TBC1D22A: variants seen among roughly 807,000 people sequenced by gnomAD.
TBC1D22A encodes TBC1 domain family member 22A.
In TBC1D22A, 38 loss-of-function variants were observed where a neutral mutation model predicts 60.2. The observed-to-expected ratio is 0.63, with a 90% confidence interval of 0.49 to 0.83. The LOEUF (loss-of-function observed/expected upper bound fraction) is 0.83. Among genes scored for constraint, TBC1D22A ranks in the 40% least tolerant of loss-of-function variants. The pLI is 0.00. For missense variants in TBC1D22A, 628 were observed against 701.0 expected (o/e 0.90, Z 1.18); for synonymous variants, 302 against 281.7 (o/e 1.07, Z -0.72).
At chr22:47,168,766 C>A (rs1459471473) in intron 12 of TBC1D22A, among the ~76,000 whole-genome samples, 1 of 149,464 alleles carries the variant, frequency 6.7e-6, no homozygotes, top group Non-Finnish European at 1.5e-5. Flanking sequence ...GAAGGCCTGG[C>A]ACGCGGGGGA....
At chr22:46,937,340 G>A (rs1262244654) in intron 8 of TBC1D22A, among the ~76,000 whole-genome samples, 2 of 152,136 alleles carry the variant, frequency 1.3e-5, no homozygotes, top group South Asian at 2.1e-4. Context: ...ACTGGATGGC[G>A]TATACCACAG....
chr22:47,037,802 G>A (rs73888818), intron 11 of TBC1D22A, among the ~76,000 whole-genome samples: 1 of 152,208 alleles, frequency 6.6e-6, no homozygotes, highest in Non-Finnish European at 1.5e-5. Context: ...TGAGCAGTGT[G>A]CTAGGAGGAT....
intron 1 of TBC1D22A, among the ~76,000 whole-genome samples, chr22:46,766,210 G>T (rs2083282712): frequency 6.6e-6 from 1 of 152,006 alleles, no homozygotes; most frequent in South Asian, 2.1e-4. Flanking sequence ...TGCTAGCCAG[G>T]ATAGTCTCGA....
At chr22:46,893,658 G>A (rs1198954861) in intron 6 of TBC1D22A, among the ~76,000 whole-genome samples, 1 of 152,236 alleles carries the variant, frequency 6.6e-6, no homozygotes, top group Admixed American at 6.5e-5. Context: ...AGGACACCCT[G>A]ATGAGAGACC....
Position 47,110,503 on chromosome 22 carries a change from C to T in TBC1D22A, c.1330-1005C>T, listed in dbSNP as rs556117723. Among the ~76,000 whole-genome samples the T allele has an allele frequency of 5.3e-5, 8 of 152,212 alleles. No homozygotes were observed. The South Asian group carries it at 6.2e-4, about 12-fold the overall frequency. Reference sequence around the variant, plus strand: ...CAATAAAGAAAATAATAATAATAAACGCCTTTTTTCTCTTTGGATGTTTGC... The same window carrying T: ...CAATAAAGAAAATAATAATAATAAATGCCTTTTTTCTCTTTGGATGTTTGC... On this transcript the variant is annotated intron_variant, in intron 11 of 12. Transcript: ENST00000337137.
At chr22:47,055,855 G>C (rs972075161) in intron 11 of TBC1D22A, among the ~76,000 whole-genome samples, 2 of 152,110 alleles carry the variant, frequency 1.3e-5, no homozygotes, top group Non-Finnish European at 2.9e-5. Context: ...TGGGCAGTGA[G>C]ATACGCCACG....
At chr22:47,103,262 CAG>C (rs1253579805) in intron 11 of TBC1D22A, among the ~76,000 whole-genome samples, 2 of 152,118 alleles carry the variant, frequency 1.3e-5, no homozygotes, top group African/African-American at 2.4e-5. Context: ...AAAGCTGACA[CAG>C]GGGACACACT....
intron 5 of TBC1D22A, among the ~76,000 whole-genome samples, 180 bp downstream of exon 5, chr22:46,878,903 G>C (rs1405525531): frequency 6.6e-6 from 1 of 152,184 alleles, no homozygotes; most frequent in African/African-American, 2.4e-5. Flanking sequence ...TTTAAGCTTG[G>C]TTTGACAGGA....
rs1329236703 is a variant in TBC1D22A, at chr22:47,026,806, G to C, written c.1202-10265G>C. Among the ~76,000 whole-genome samples, 3 of 152,268 alleles carry C rather than the reference G, an allele frequency of 2.0e-5. No homozygotes were observed. In the East Asian group the frequency reaches 5.8e-4, roughly 29 times the overall value. On this transcript the variant is annotated intron_variant, in intron 10 of 12. Coordinates refer to ENST00000337137, the MANE Select transcript of TBC1D22A (RefSeq NM_014346.5). The stretch of plus-strand genomic sequence containing the variant: ...GAAGACTCAAGAGTATTAAATGTCA[G>C]CTCTCACCAAACTGATCATACATTC...
chr22:46,878,676 T>A lies in TBC1D22A; in HGVS notation c.661T>A (p.Ser221Thr). 6.2e-7 allele frequency: 1 copy of A among 1,613,288 alleles called. No individual in the cohort carries two copies. The highest frequency in any genetic ancestry group is 8.5e-7 in the Non-Finnish European group (1 of 1,179,864). The part of the protein sequence containing the change: ...DLEELRRLSW[S>T]GIPKPVRPMT... ...AGAGGAATTACGGAGGTTGAGCTGGTCCGGAATCCCTAAGCCAGTGCGTCC... is the reference window on the plus strand; with the variant it reads ...AGAGGAATTACGGAGGTTGAGCTGGACCGGAATCCCTAAGCCAGTGCGTCC... Residue 221 changes from serine to threonine, a missense_variant, in exon 5 of 13, where the codon TCC (serine) becomes ACC (threonine). Physicochemically the swap from Ser to Thr is moderately conservative, Grantham distance 58. Transcript: ENST00000337137.
chr22:46,976,711 G>C (rs2074311476), intron 9 of TBC1D22A, among the ~76,000 whole-genome samples: 1 of 152,196 alleles, frequency 6.6e-6, no homozygotes, highest in Admixed American at 6.5e-5. Flanking sequence ...TCATCGCCCT[G>C]ATTGAAACCC....
intron 10 of TBC1D22A, among the ~76,000 whole-genome samples, chr22:47,013,221 G>A (rs1395748523): frequency 6.6e-6 from 1 of 152,130 alleles, no homozygotes; most frequent in Non-Finnish European, 1.5e-5. Context: ...CTGCTCAAGT[G>A]TGGAGTGTGT....
chr22:47,040,570 G>A (rs1463277932), intron 11 of TBC1D22A, among the ~76,000 whole-genome samples: 1 of 152,022 alleles, frequency 6.6e-6, no homozygotes, highest in Non-Finnish European at 1.5e-5. Context: ...GCTCGGATGG[G>A]GGGTGGGTGG....
At chr22:46,780,613 G>T (rs1408754718) in intron 1 of TBC1D22A, among the ~76,000 whole-genome samples, 1 of 152,198 alleles carries the variant, frequency 6.6e-6, no homozygotes, top group Non-Finnish European at 1.5e-5. Flanking sequence ...TGTCCCTCTT[G>T]ACTCTGACTT....
chr22:47,048,100 T>A (rs1481112300), intron 11 of TBC1D22A, among the ~76,000 whole-genome samples: 2 of 152,190 alleles, frequency 1.3e-5, no homozygotes, highest in Non-Finnish European at 2.9e-5. Flanking sequence ...CTGCCCCAGC[T>A]CCACTGCTGT....
In TBC1D22A at chr22:47,100,860, A is replaced by G. The variant is rs2147669509; in HGVS notation, c.1330-10648A>G. Among the ~76,000 whole-genome samples, 3 of 152,312 alleles carry G rather than the reference A, an allele frequency of 2.0e-5. 1 individual carries two copies. Among genetic ancestry groups the G allele is most frequent in the Admixed American group, 2.0e-4 (3 of 15,300 alleles). ...TCCCGCAGTAGGCTGCCGTCTTCAA[A>G]GCAGAGTCCTGTCTACCAACAGCTC... On this transcript the variant is annotated intron_variant, in intron 11 of 12. Transcript: ENST00000337137.
At chr22:47,167,083 A>C (rs2068236339) in intron 12 of TBC1D22A, among the ~76,000 whole-genome samples, 1 of 152,256 alleles carries the variant, frequency 6.6e-6, no homozygotes, top group African/African-American at 2.4e-5. Flanking sequence ...ATTAGAATTT[A>C]TGGATAAGTA....
chr22:47,160,554 C>T (rs554670329), intron 12 of TBC1D22A, among the ~76,000 whole-genome samples: 2 of 152,342 alleles, frequency 1.3e-5, no homozygotes, highest in Admixed American at 1.3e-4. Context: ...TCTAGGCCTG[C>T]GCCTCCCCAG....
At chr22:46,972,020 T>G (rs2074083733) in intron 8 of TBC1D22A, among the ~76,000 whole-genome samples, 1 of 152,152 alleles carries the variant, frequency 6.6e-6, no homozygotes, top group South Asian at 2.1e-4. Context: ...GACAGAGCCA[T>G]GGCCAGCCAG....
Sources: allele counts gnomAD v4.1 joint callset (sites outside exome capture counted in the v4.1 genomes callset), GRCh38; gene constraint gnomAD v4.1.1; transcripts MANE v1.5; gene names NCBI Gene and HGNC (gene_info 2026-07-23, HGNC 2026-07-21).